Variants in COP1 observed in about 807,000 individuals in gnomAD.
COP1 encodes COP1 E3 ubiquitin ligase, also known as E3 ubiquitin-protein ligase COP1.
COP1 carries 24 observed loss-of-function variants against 101.3 expected under a neutral mutation model. That is an observed-to-expected ratio of 0.24 (90% CI 0.17 to 0.33). The LOEUF is 0.33. Ranked by LOEUF, COP1 falls within the 10% of genes least tolerant of loss-of-function variation. The pLI, the probability that COP1 is intolerant of heterozygous loss-of-function variation, is 1.00. For missense variants in COP1, 663 were observed against 906.2 expected, an observed-to-expected ratio of 0.73 and a Z score of 3.45; for synonymous variants, 347 against 341.9, an observed-to-expected ratio of 1.01 and a Z score of -0.17.
intron 9 of COP1, among the ~76,000 whole-genome samples, chr1:176,092,292 T>C (rs1435200608): frequency 2.6e-5 from 4 of 152,134 alleles, no homozygotes; most frequent in East Asian, 1.9e-4. Flanking sequence ...AAACTGACCA[T>C]GTAATATGTT....
At chr1:175,955,766 C>CCACACACACACACACACACA (rs60306255) in intron 18 of COP1, among the ~76,000 whole-genome samples, 8,740 of 129,114 alleles carry the variant, frequency 0.068, 543 homozygotes, top group Admixed American at 0.097. Context: ...TAGAGACAAA[C>CCACACACACACACACACACA]CACACACACA....
chr1:176,043,265 C>T lies in COP1; in HGVS notation c.1533G>A (p.Glu511=), dbSNP rs1670951290. The T allele has an allele frequency of 6.2e-7, 1 of 1,602,602 alleles. No individual in the cohort carries two copies. Among genetic ancestry groups the T allele is most frequent in the South Asian group, 1.1e-5 (1 of 90,718 alleles). ...CAACACTCCAACACCTCTTCTCATG[C>T]TCCTGGAAGCAGAAAGAAGACAGTA... ...FTGQRSKVYQ[E]HEKRCWSVDF... The change falls in exon 14 of 20, where the codon GAG becomes GAA. Residue 511 remains glutamate, a splice_region_variant and synonymous_variant. Coordinates refer to ENST00000367669, the MANE Select transcript of COP1 (RefSeq NM_022457.7).
At chr1:176,088,255 A>T (rs1359594960) in intron 9 of COP1, among the ~76,000 whole-genome samples, 1 of 12,936 alleles carries the variant, frequency 7.7e-5, no homozygotes, top group East Asian at 0.028. Flanking sequence ...AAGTATCATA[A>T]AAAAAAAAAG....
intron 18 of COP1, among the ~76,000 whole-genome samples, chr1:175,962,840 A>C (rs1267916972): frequency 6.6e-6 from 1 of 152,196 alleles, no homozygotes; most frequent in Non-Finnish European, 1.5e-5. Context: ...GTTAAGTTAA[A>C]TAAGTGAATT....
intron 18 of COP1, among the ~76,000 whole-genome samples, chr1:175,948,934 G>A (rs892599649): frequency 2.0e-5 from 3 of 151,928 alleles, no homozygotes; most frequent in Non-Finnish European, 2.9e-5. Flanking sequence ...GGAGGCAGAG[G>A]TGGGCAGATC....
At chr1:176,159,352 C>G (rs1572594632) in intron 5 of COP1, among the ~76,000 whole-genome samples, 1 of 152,204 alleles carries the variant, frequency 6.6e-6, no homozygotes. Context: ...AACACACATA[C>G]ACACACACAA....
At chr1:176,171,486 G>A (rs984089726) in intron 3 of COP1, among the ~76,000 whole-genome samples, 21 of 152,152 alleles carry the variant, frequency 1.4e-4, no homozygotes, top group African/African-American at 4.6e-4. Context: ...AGCAATAAGC[G>A]ATTTTGCCTT....
At chr1:176,170,008 C>T (rs913056515) in intron 3 of COP1, among the ~76,000 whole-genome samples, 1 of 152,208 alleles carries the variant, frequency 6.6e-6, no homozygotes, top group Admixed American at 6.5e-5. Flanking sequence ...TCTCAAGAAA[C>T]CACTTTCTTT....
chr1:175,950,214 TAAA>T (rs55821760), intron 18 of COP1, among the ~76,000 whole-genome samples: 1 of 144,994 alleles, frequency 6.9e-6, no homozygotes. Flanking sequence ...CTTTATGTGT[TAAA>T]AAAAAAAAAA....
At chr1:176,006,282 T>C (rs1356071452) in intron 15 of COP1, among the ~76,000 whole-genome samples, 1 of 152,144 alleles carries the variant, frequency 6.6e-6, no homozygotes. Flanking sequence ...AGCACACTGA[T>C]GGGTCTTGAC....
chr1:176,170,851 C>T (rs570346432), intron 3 of COP1, among the ~76,000 whole-genome samples: 4 of 152,112 alleles, frequency 2.6e-5, no homozygotes, highest in South Asian at 4.1e-4. Flanking sequence ...TTAGGCAAGG[C>T]GTGATAGCTC....
intron 1 of COP1, among the ~76,000 whole-genome samples, chr1:176,188,527 C>A (rs966770172): frequency 2.6e-5 from 4 of 152,240 alleles, no homozygotes; most frequent in South Asian, 2.1e-4. Context: ...GAATGGGCAA[C>A]CCTGTGCTGA....
intron 15 of COP1, among the ~76,000 whole-genome samples, chr1:176,024,676 T>C (rs1358038611): frequency 6.6e-6 from 1 of 152,162 alleles, no homozygotes; most frequent in Non-Finnish European, 1.5e-5. Flanking sequence ...ACTGCAGATA[T>C]GATTCTACGT....
At chr1:176,047,292 T>C (rs1671690751) in intron 11 of COP1, among the ~76,000 whole-genome samples, 1 of 152,228 alleles carries the variant, frequency 6.6e-6, no homozygotes, top group South Asian at 2.1e-4. Flanking sequence ...ACATTTTGCA[T>C]GTATTACCTC....
At chr1:176,103,187 T>C (rs544866644) in intron 9 of COP1, among the ~76,000 whole-genome samples, 2 of 152,342 alleles carry the variant, frequency 1.3e-5, no homozygotes, top group East Asian at 3.9e-4. Context: ...TCCTGAGTGA[T>C]ATCAGCATCT....
At chr1:176,039,688 A>G (rs1366113538) in intron 14 of COP1, among the ~76,000 whole-genome samples, 2 of 152,210 alleles carry the variant, frequency 1.3e-5, no homozygotes, top group Admixed American at 1.3e-4. Context: ...TTCTGATTTC[A>G]AAACAGCCTT....
chr1:176,105,551 C>T (rs1396896383), intron 9 of COP1, among the ~76,000 whole-genome samples: 1 of 152,132 alleles, frequency 6.6e-6, no homozygotes, highest in Non-Finnish European at 1.5e-5. Flanking sequence ...ATCGTGACAG[C>T]TAGGTTTCCA....
chr1:176,144,998 A>G (rs1372937051), intron 6 of COP1, among the ~76,000 whole-genome samples: 2 of 152,152 alleles, frequency 1.3e-5, no homozygotes, highest in African/African-American at 4.8e-5. Flanking sequence ...AGTATAACAG[A>G]TAAGATAAAT....
At chr1:176,148,141 A>T (rs547517864) in intron 6 of COP1, among the ~76,000 whole-genome samples, 2 of 152,332 alleles carry the variant, frequency 1.3e-5, no homozygotes, top group African/African-American at 4.8e-5. Flanking sequence ...TAGTAGGAAT[A>T]TTAAAATCAC....
Sources: gnomAD v4.1 joint callset for allele counts (sites outside exome capture counted in the v4.1 genomes callset) on GRCh38, gnomAD v4.1.1 for gene constraint, MANE v1.5 for transcripts, NCBI Gene and HGNC (gene_info 2026-07-23, HGNC 2026-07-21) for gene names.